Variants in CRLF3 observed in about 807,000 individuals in gnomAD.
CRLF3 encodes cytokine receptor-like factor 3.
CRLF3 carries 33 observed loss-of-function variants against 55.0 expected under a neutral mutation model. The ratio of observed to expected loss-of-function variants is 0.60; its 90% CI spans 0.46 to 0.80. CRLF3 has a LOEUF of 0.80. CRLF3 is among the 30% of genes least tolerant of loss of function. The pLI, the probability that CRLF3 is intolerant of heterozygous loss-of-function variation, is 0.00. For missense variants in CRLF3, 494 were observed against 538.4 expected, an observed-to-expected ratio of 0.92 and a Z score of 0.82; for synonymous variants, 238 against 196.8, an observed-to-expected ratio of 1.21 and a Z score of -1.75.
chr17:30,811,909 G>C (rs1904640653), intron 1 of CRLF3, among the ~76,000 whole-genome samples: 1 of 149,432 alleles, frequency 6.7e-6, no homozygotes, highest in African/African-American at 2.5e-5. Context: ...AGGAGATCGA[G>C]ACCATCCTGG....
chr17:30,796,787 G>A (rs1971925113), intron 3 of CRLF3, among the ~76,000 whole-genome samples: 1 of 149,474 alleles, frequency 6.7e-6, no homozygotes, highest in Non-Finnish European at 1.5e-5. Flanking sequence ...GCTGTGGTGC[G>A]ATCTCAGCTC....
At chr17:30,792,796 G>A (rs909035392) in intron 5 of CRLF3, 3 of 383,800 alleles carry the variant, frequency 7.8e-6, no homozygotes, top group Non-Finnish European at 1.4e-5. Flanking sequence ...TCACACAAGT[G>A]TTATCTCTTA....
chr17:30,792,012 C>T (rs745451499), intron 6 of CRLF3, among the ~76,000 whole-genome samples: 3 of 151,854 alleles, frequency 2.0e-5, no homozygotes, highest in Non-Finnish European at 4.4e-5. Context: ...CCATGCCCGG[C>T]TGATTTTGTA....
At chr17:30,794,231 G>T (rs749822752) in intron 4 of CRLF3, among the ~76,000 whole-genome samples, 3 of 152,024 alleles carry the variant, frequency 2.0e-5, no homozygotes, top group Non-Finnish European at 2.9e-5. Context: ...TTTAATCAAT[G>T]CCAAAGATAA....
chr17:30,789,001 C>T (rs528278668), intron 6 of CRLF3, among the ~76,000 whole-genome samples: 7 of 152,216 alleles, frequency 4.6e-5, no homozygotes, highest in African/African-American at 9.6e-5. Flanking sequence ...TTCAAGTAGG[C>T]GCACTTGCTC....
At chr17:30,798,992 G>T (rs1202262685) in intron 2 of CRLF3, among the ~76,000 whole-genome samples, 1 of 152,066 alleles carries the variant, frequency 6.6e-6, no homozygotes, top group East Asian at 1.9e-4. Flanking sequence ...AAAAAACATA[G>T]GCCAGGCACA....
At chr17:30,801,724 C>T (rs1024471218) in intron 2 of CRLF3, among the ~76,000 whole-genome samples, 4 of 152,230 alleles carry the variant, frequency 2.6e-5, no homozygotes, top group Admixed American at 6.5e-5. Flanking sequence ...AGCCTGGCCT[C>T]GGCCTCTAAT....
At chr17:30,809,835 G>A (rs1227303512) in intron 1 of CRLF3, 5 of 152,046 alleles carry the variant, frequency 3.3e-5, no homozygotes, top group African/African-American at 4.8e-5. Flanking sequence ...ATTTTTTGTC[G>A]AGACGGATTT....
chr17:30,799,010 A>G (rs1971964228), intron 2 of CRLF3, among the ~76,000 whole-genome samples: 1 of 152,168 alleles, frequency 6.6e-6, no homozygotes, highest in Non-Finnish European at 1.5e-5. Flanking sequence ...ACAGTGGCTC[A>G]CGCCTGTAAT....
At chr17:30,819,266 AACAC>A (rs1813340844) in intron 1 of CRLF3, among the ~76,000 whole-genome samples, 1 of 152,198 alleles carries the variant, frequency 6.6e-6, no homozygotes, top group South Asian at 2.1e-4. Flanking sequence ...AGTGAACTAC[AACAC>A]ACAGACTAAA....
intron 6 of CRLF3, among the ~76,000 whole-genome samples, chr17:30,788,599 CTTTT>C (rs1159336036): frequency 5.6e-4 from 45 of 80,038 alleles, no homozygotes; most frequent in South Asian, 2.3e-3. Flanking sequence ...GTAGTGCCTT[CTTTT>C]TTTTTTTTTT....
At chr17:30,785,599 ACTTAT>A (rs1346108159) in intron 7 of CRLF3, among the ~76,000 whole-genome samples, 1 of 151,504 alleles carries the variant, frequency 6.6e-6, no homozygotes, top group East Asian at 2.0e-4. Context: ...CTGGGCAACA[ACTTAT>A]CTTTACAAAA....
intron 6 of CRLF3, among the ~76,000 whole-genome samples, chr17:30,788,264 G>A (rs947894198): frequency 1.3e-5 from 2 of 150,542 alleles, no homozygotes; most frequent in African/African-American, 4.9e-5. Flanking sequence ...AGAGGTGGAG[G>A]TTGCAGTGAG....
chr17:30,822,744 C>T (rs112063773), intron 1 of CRLF3, among the ~76,000 whole-genome samples: 3 of 152,182 alleles, frequency 2.0e-5, no homozygotes, highest in African/African-American at 7.2e-5. Flanking sequence ...AGGTGCTAAA[C>T]TCACTCATTT....
intron 6 of CRLF3, among the ~76,000 whole-genome samples, chr17:30,789,032 T>C (rs1971720680): frequency 6.6e-6 from 1 of 152,218 alleles, no homozygotes; most frequent in South Asian, 2.1e-4. Flanking sequence ...CCCTTATGCA[T>C]GGAGTCCCCC....
intron 1 of CRLF3, among the ~76,000 whole-genome samples, chr17:30,819,662 G>T (rs1904928450): frequency 6.6e-6 from 1 of 152,122 alleles, no homozygotes; most frequent in Non-Finnish European, 1.5e-5. Flanking sequence ...TTTTTTAGTA[G>T]AGACGGGGTT....
At chr17:30,786,162 G>A in intron 6 of CRLF3, 131 bp from the exon 7 acceptor site, 1 of 610,938 alleles carries the variant, frequency 1.6e-6, no homozygotes, top group South Asian at 2.0e-5. Context: ...AACCATGATT[G>A]AGTTCTTGCT....
At chr17:30,822,374 T>A (rs1386477363) in intron 1 of CRLF3, among the ~76,000 whole-genome samples, 2 of 152,198 alleles carry the variant, frequency 1.3e-5, no homozygotes, top group Non-Finnish European at 2.9e-5. Flanking sequence ...CCACTAGAGT[T>A]AGCTTCGAGA....
rs577555638 is a variant in CRLF3 at position 30,783,484 on chromosome 17, G to C, written c.*703C>G. 1 of 152,342 alleles carries C rather than the reference G, an allele frequency of 6.6e-6. No homozygotes were observed. The highest frequency in any genetic ancestry group is 1.9e-4 in the East Asian group (1 of 5,196). 9.4% of individuals were successfully genotyped at this position (152,342 alleles called of 1,614,324 possible). A position where few individuals can be genotyped will look rare whatever the true frequency, so the allele number is the denominator to read the frequency against. ...ATACAAAAATTAGCCAGGTGTGGTG[G>C]CCGACGCCTGTAATCCCAGCTACTC... is the stretch of plus-strand genomic sequence containing the variant. On this transcript the variant is annotated 3_prime_UTR_variant, in exon 8 of 8. Coordinates refer to ENST00000324238, the MANE Select transcript of CRLF3 (RefSeq NM_015986.4).
Sources: gnomAD v4.1 joint callset for allele counts (sites outside exome capture counted in the v4.1 genomes callset) on GRCh38, gnomAD v4.1.1 for gene constraint, MANE v1.5 for transcripts, NCBI Gene and HGNC (gene_info 2026-07-23, HGNC 2026-07-21) for gene names.